MPHOSPH9: variants seen among roughly 807,000 people sequenced by gnomAD.
MPHOSPH9 encodes the protein M-phase phosphoprotein 9.
Under a neutral mutation model 145.5 loss-of-function variants are expected in MPHOSPH9, and 88 were observed. That is an observed-to-expected ratio of 0.60 (90% confidence interval 0.51 to 0.72). The LOEUF (loss-of-function observed/expected upper bound fraction) is 0.72. Ranked by LOEUF, MPHOSPH9 falls within the 30% of genes least tolerant of loss-of-function variation. The probability of loss-of-function intolerance (pLI) is 0.00; values close to 1 mark genes in which losing one functional copy is unlikely to be tolerated. For synonymous variants in MPHOSPH9, 435 were observed against 486.2 expected (o/e 0.89, Z 1.39); for missense variants, 1,238 against 1,386.6 (o/e 0.89, Z 1.70).
rs769733552 is a variant in MPHOSPH9, at chr12:123,202,871, G to GT, written c.1533dup (p.His512ThrfsTer20). The stretch of plus-strand genomic sequence containing the variant: ...GAGTCCACCGGAGAAGCTTTTGTGT[G>GT]TGAGGGATATTTTGGAAATCCAGGT... On this transcript the variant is annotated frameshift_variant, in exon 10 of 24. Transcript: ENST00000606320. LOFTEE classifies it high-confidence loss of function. The GT allele has an allele frequency of 1.2e-6, 2 of 1,614,192 alleles. No homozygotes were observed. The highest frequency in any genetic ancestry group is 2.2e-5 in the South Asian group (2 of 91,088).
chr12:123,192,628 C>CAAAAA (rs55831766), intron 13 of MPHOSPH9, among the ~76,000 whole-genome samples: 5 of 49,382 alleles, frequency 1.0e-4, no homozygotes, highest in African/African-American at 1.5e-4. Flanking sequence ...GACACCGTCT[C>CAAAAA]AAAAAAAAAA....
At chr12:123,232,338 A>G (rs2047683089) in intron 1 of MPHOSPH9, among the ~76,000 whole-genome samples, 2 of 152,074 alleles carry the variant, frequency 1.3e-5, no homozygotes, top group Non-Finnish European at 2.9e-5. Context: ...CAGGGAAGTA[A>G]GAGGGAAAAA....
At chr12:123,162,398 T>G in intron 20 of MPHOSPH9, 180 bp from the exon 21 acceptor site, 1 of 387,212 alleles carries the variant, frequency 2.6e-6, no homozygotes. Context: ...AAATTGTATT[T>G]ACAAACTAAA....
chr12:123,188,354 A>C (rs1161362793), intron 13 of MPHOSPH9, among the ~76,000 whole-genome samples: 1 of 152,212 alleles, frequency 6.6e-6, no homozygotes, highest in Non-Finnish European at 1.5e-5. Flanking sequence ...ATATCTAAAA[A>C]AGATAACAAA....
At position 123,162,121 on chromosome 12, in the gene MPHOSPH9, A is replaced by G; in HGVS notation, c.3127T>C (p.Ser1043Pro). The change falls in exon 21 of 24, where the codon TCG becomes CCG. Residue 1043 changes from serine to proline, a missense_variant. Physicochemically the swap from Ser to Pro is moderately conservative, Grantham distance 74 (BLOSUM62 -1). Around this residue, in one of 3 missense-constraint regions of MPHOSPH9, gnomAD observed 393 missense variants for 462.5 expected, o/e 0.85. Transcript: ENST00000606320. ...KQLQFLPLDD[S>P]EEKTYSEKAT... Reference sequence around the variant, plus strand: ...ATTTTTTAGGAAAAGATACCTTCCGAGTCATCTAGAGGAAGAAACTGGAGT... The same window carrying G: ...ATTTTTTAGGAAAAGATACCTTCCGGGTCATCTAGAGGAAGAAACTGGAGT... The G allele has an allele frequency of 6.4e-7, 1 of 1,554,088 alleles. No individual in the cohort carries two copies. Among genetic ancestry groups the G allele is most frequent in the Non-Finnish European group, 8.7e-7 (1 of 1,143,574 alleles).
intron 13 of MPHOSPH9, among the ~76,000 whole-genome samples, chr12:123,184,312 G>A (rs1320117585): frequency 6.6e-6 from 1 of 151,964 alleles, no homozygotes; most frequent in East Asian, 1.9e-4. Flanking sequence ...TGTAAGACCT[G>A]TCTTTACGAA....
chr12:123,191,362 T>C (rs1157035742), intron 13 of MPHOSPH9, among the ~76,000 whole-genome samples: 2 of 152,144 alleles, frequency 1.3e-5, no homozygotes, highest in Middle Eastern at 3.4e-3. Context: ...GACATCCCAG[T>C]AGCAATGAAC....
At chr12:123,228,412 A>G (rs560174480) in intron 2 of MPHOSPH9, among the ~76,000 whole-genome samples, 16 of 152,326 alleles carry the variant, frequency 1.1e-4, no homozygotes, top group South Asian at 4.1e-4. Flanking sequence ...AAAGGAGGCC[A>G]GGCGCAGTGG....
intron 16 of MPHOSPH9, among the ~76,000 whole-genome samples, chr12:123,171,245 G>A (rs1166528861): frequency 6.6e-6 from 1 of 151,996 alleles, no homozygotes; most frequent in Non-Finnish European, 1.5e-5. Context: ...CTTGAGGTCA[G>A]GAGTTCGAGA....
At chr12:123,204,501 T>TC (rs1353460834) in intron 8 of MPHOSPH9, among the ~76,000 whole-genome samples, 1 of 151,160 alleles carries the variant, frequency 6.6e-6, no homozygotes, top group Admixed American at 6.6e-5. Context: ...TGAAAATAAG[T>TC]CCCCCCCACC....
intron 11 of MPHOSPH9, among the ~76,000 whole-genome samples, chr12:123,199,015 TC>T (rs573784886): frequency 3.6e-4 from 54 of 149,894 alleles, no homozygotes; most frequent in Non-Finnish European, 3.4e-4. Flanking sequence ...CTTTTTTCTT[TC>T]TTTTTTTGAG....
chr12:123,209,399 AAC>A (rs796077464), intron 8 of MPHOSPH9, among the ~76,000 whole-genome samples: 29 of 151,678 alleles, frequency 1.9e-4, no homozygotes, highest in Admixed American at 7.2e-4. Flanking sequence ...GTAAAACACA[AAC>A]ACACACAGTT....
chr12:123,230,702 A>G (rs893916444), intron 1 of MPHOSPH9, among the ~76,000 whole-genome samples, 180 bp from the exon 2 acceptor site: 6 of 152,230 alleles, frequency 3.9e-5, no homozygotes, highest in African/African-American at 1.4e-4. Context: ...ATAAATGGAT[A>G]AACGAATGAA....
At chr12:123,226,354 G>GA in intron 3 of MPHOSPH9, 2 of 1,175,650 alleles carry the variant, frequency 1.7e-6, no homozygotes, top group South Asian at 1.6e-5. Flanking sequence ...TCTACATTCT[G>GA]AAAAATAACA....
At chr12:123,163,333 A>G in intron 19 of MPHOSPH9, 199 bp from the exon 20 acceptor site, 1 of 520,144 alleles carries the variant, frequency 1.9e-6, no homozygotes, top group Non-Finnish European at 3.2e-6. Flanking sequence ...ACACTGTAGT[A>G]TATCAGACAG....
At chr12:123,189,883 C>A (rs2045600658) in intron 13 of MPHOSPH9, among the ~76,000 whole-genome samples, 1 of 151,528 alleles carries the variant, frequency 6.6e-6, no homozygotes, top group African/African-American at 2.4e-5. Flanking sequence ...TTGCAGTGAG[C>A]CGAGATGGTG....
At chr12:123,210,410 T>C (rs1483335049) in intron 7 of MPHOSPH9, among the ~76,000 whole-genome samples, 1 of 152,092 alleles carries the variant, frequency 6.6e-6, no homozygotes, top group African/African-American at 2.4e-5. Flanking sequence ...TACATATTTT[T>C]GGCCAGGCAT....
intron 21 of MPHOSPH9, among the ~76,000 whole-genome samples, chr12:123,161,662 GCA>G (rs2044111629): frequency 9.4e-6 from 1 of 106,220 alleles, no homozygotes. Flanking sequence ...TAAACTTAAA[GCA>G]AAAAAAAAAA....
In MPHOSPH9 at chr12:123,230,477, T is replaced by C; in HGVS notation, c.-113A>G. The C allele has an allele frequency of 1.8e-6, 1 of 560,330 alleles. No homozygotes were observed. Among genetic ancestry groups the C allele is most frequent in the South Asian group, 2.5e-5 (1 of 39,804 alleles). 34.7% of individuals were successfully genotyped at this position (560,330 alleles called of 1,614,324 possible). A position where few individuals can be genotyped will look rare whatever the true frequency, so the allele number is the denominator to read the frequency against. On this transcript the variant is annotated 5_prime_UTR_variant, in exon 2 of 24. Transcript: ENST00000606320. ...CTTCATCATCTACTGGCATTTTCAG[T>C]GGCTAACATTCAGAACTGTGAAATA...
Sources: gnomAD v4.1 joint callset for allele counts (sites outside exome capture counted in the v4.1 genomes callset) on GRCh38, gnomAD v4.1.1 for gene constraint, gnomAD v4.1.1 regional missense constraint, MANE v1.5 for transcripts, NCBI Gene and HGNC (gene_info 2026-07-23, HGNC 2026-07-21) for gene names.